BTBD9: variants seen among roughly 807,000 people sequenced by gnomAD.
BTBD9 encodes the protein BTB/POZ domain-containing protein 9.
Under a neutral mutation model 64.3 loss-of-function variants are expected in BTBD9, and 49 were observed. The observed-to-expected ratio is 0.76, with a 90% CI of 0.61 to 0.97. The LOEUF (loss-of-function observed/expected upper bound fraction) is 0.97, where lower values mean the gene tolerates loss of function less well. Ranked by LOEUF, BTBD9 falls within the 50% of genes least tolerant of loss-of-function variation. The pLI is 0.00. For synonymous variants in BTBD9, 260 were observed against 274.7 expected (o/e 0.95, Z 0.53); for missense variants, 598 against 762.1 (o/e 0.78, Z 2.53).
intron 8 of BTBD9, among the ~76,000 whole-genome samples, chr6:38,262,765 G>A (rs891201827): frequency 5.3e-5 from 8 of 152,134 alleles, no homozygotes; most frequent in Admixed American, 5.2e-4. Flanking sequence ...CATTTTAATT[G>A]GAAAGTCTAC....
At chr6:38,639,303 T>C (rs895710916) in intron 1 of BTBD9, among the ~76,000 whole-genome samples, 6 of 152,104 alleles carry the variant, frequency 3.9e-5, no homozygotes, top group Non-Finnish European at 7.4e-5. Flanking sequence ...AGGTCGTGGG[T>C]GTGTCTGATG....
chr6:38,462,843 G>T (rs185432638), intron 6 of BTBD9, among the ~76,000 whole-genome samples: 1 of 152,100 alleles, frequency 6.6e-6, no homozygotes, highest in African/African-American at 2.4e-5. Context: ...CTGTCGCCCA[G>T]GCTGGAGTGC....
intron 6 of BTBD9, among the ~76,000 whole-genome samples, chr6:38,440,318 G>C (rs1200288550): frequency 1.3e-5 from 2 of 152,180 alleles, no homozygotes; most frequent in Admixed American, 1.3e-4. Flanking sequence ...CAGTGGGATA[G>C]GAGGAAACCA....
At chr6:38,319,349 A>C (rs1763144763) in intron 7 of BTBD9, among the ~76,000 whole-genome samples, 1 of 152,128 alleles carries the variant, frequency 6.6e-6, no homozygotes, top group African/African-American at 2.4e-5. Context: ...TTTCTCAAGC[A>C]GTAGGAGTCT....
chr6:38,534,956 G>C (rs1266213172), intron 6 of BTBD9, among the ~76,000 whole-genome samples: 1 of 152,076 alleles, frequency 6.6e-6, no homozygotes, highest in Non-Finnish European at 1.5e-5. Context: ...CTAAGATCTG[G>C]AACATGATAA....
At chr6:38,274,278 G>C (rs559080125) in intron 8 of BTBD9, among the ~76,000 whole-genome samples, 1 of 152,204 alleles carries the variant, frequency 6.6e-6, no homozygotes, top group South Asian at 2.1e-4. Context: ...GGAGATTTTG[G>C]GCTGAGACAA....
intron 8 of BTBD9, among the ~76,000 whole-genome samples, chr6:38,287,103 A>T (rs1288766733): frequency 1.6e-5 from 2 of 124,250 alleles, no homozygotes; most frequent in African/African-American, 6.3e-5. Context: ...AAAAAAAAAA[A>T]AAATATACAC....
At chr6:38,496,093 T>A (rs980288323) in intron 6 of BTBD9, among the ~76,000 whole-genome samples, 1 of 152,134 alleles carries the variant, frequency 6.6e-6, no homozygotes, top group African/African-American at 2.4e-5. Flanking sequence ...AGAGGCCTGA[T>A]GTGAAAGTGA....
intron 6 of BTBD9, chr6:38,566,161 T>C (rs1775486294): frequency 6.6e-6 from 1 of 152,206 alleles, no homozygotes; most frequent in Non-Finnish European, 1.5e-5. Flanking sequence ...AAACAGCATA[T>C]ACTACATAAT....
chr6:38,274,859 G>T (rs1382552395), intron 8 of BTBD9, among the ~76,000 whole-genome samples: 2 of 152,108 alleles, frequency 1.3e-5, no homozygotes, highest in Non-Finnish European at 2.9e-5. Flanking sequence ...TTGTGTCTCT[G>T]CCAGGCTTTG....
intron 1 of BTBD9, among the ~76,000 whole-genome samples, chr6:38,630,762 T>C (rs988405502): frequency 6.6e-6 from 1 of 152,200 alleles, no homozygotes; most frequent in African/African-American, 2.4e-5. Context: ...TCTGAAAAGG[T>C]TGCCTAAGCC....
intron 10 of BTBD9, among the ~76,000 whole-genome samples, chr6:38,180,820 T>A (rs1561839100): frequency 6.6e-6 from 1 of 152,222 alleles, no homozygotes; most frequent in African/African-American, 2.4e-5. Flanking sequence ...GGCCTCTGGA[T>A]CTCTCCCCTG....
intron 6 of BTBD9, among the ~76,000 whole-genome samples, chr6:38,393,448 C>T (rs1041417100): frequency 1.3e-5 from 2 of 151,664 alleles, no homozygotes; most frequent in Admixed American, 6.6e-5. Context: ...TCTTAAATTT[C>T]AAATCCAGAA....
At position 38,429,468 on chromosome 6, in the gene BTBD9, AAAAG is replaced by A. The variant is rs1462063021; in HGVS notation, c.1155-84379_1155-84376del. ...AAGACTACGTCTCAAAAAAAAAAAA[AAAAG>A]AAAGAAAAACGGATTTGAATATAAT... On this transcript the variant is annotated intron_variant, in intron 6 of 10. Transcript: ENST00000481247. Among the ~76,000 whole-genome samples the A allele has an allele frequency of 8.9e-4, 134 of 151,408 alleles. 1 individual carries two copies. Among genetic ancestry groups the A allele is most frequent in the African/African-American group, 3.1e-3 (129 of 41,032 alleles).
In BTBD9 at chr6:38,580,451, T is replaced by A; in HGVS notation, c.815-14A>T. The A allele has an allele frequency of 6.3e-7, 1 of 1,598,754 alleles. No homozygotes were observed. Among genetic ancestry groups the A allele is most frequent in the Admixed American group, 1.7e-5 (1 of 59,134 alleles). ...TTTCTTCTGGTACTACAGTTAAAAATAGAAAAAGCAAGGTTAATGATTACT... is the reference window on the plus strand; with the variant it reads ...TTTCTTCTGGTACTACAGTTAAAAAAAGAAAAAGCAAGGTTAATGATTACT... On this transcript the variant is annotated splice_polypyrimidine_tract_variant and intron_variant, in intron 4 of 10. Coordinates refer to ENST00000481247, the MANE Select transcript of BTBD9 (RefSeq NM_001099272.2).
chr6:38,590,226 G>T (rs963879205), intron 4 of BTBD9, among the ~76,000 whole-genome samples: 1 of 152,038 alleles, frequency 6.6e-6, no homozygotes, highest in Non-Finnish European at 1.5e-5. Flanking sequence ...TGTGATCAAG[G>T]TGGTAATTCT....
At chr6:38,592,001 A>G (rs1776814543) in intron 4 of BTBD9, among the ~76,000 whole-genome samples, 1 of 152,084 alleles carries the variant, frequency 6.6e-6, no homozygotes, top group Admixed American at 6.5e-5. Flanking sequence ...CCTGGCCAAC[A>G]TGGTGAAACC....
rs370666650 is a variant in BTBD9, at chr6:38,208,950, A to G, written c.1563-16353T>C. Among the ~76,000 whole-genome samples the G allele has an allele frequency of 1.6e-4, 25 of 152,324 alleles. No homozygotes were observed. In the South Asian group the frequency reaches 5.2e-3, roughly 32 times the overall value. ...GTTTTGGCCACACGCTGACTAGCCAAAGGCTCACTAAGATCAAAAGTCGCA... is the reference window on the plus strand; with the variant it reads ...GTTTTGGCCACACGCTGACTAGCCAGAGGCTCACTAAGATCAAAAGTCGCA... On this transcript the variant is annotated intron_variant, in intron 9 of 10. Transcript: ENST00000481247.
chr6:38,365,562 G>A (rs1328766531), intron 6 of BTBD9, among the ~76,000 whole-genome samples: 5 of 152,028 alleles, frequency 3.3e-5, no homozygotes, highest in African/African-American at 1.2e-4. Context: ...AGGCAACACA[G>A]GGAGACAAAA....
Sources: allele counts gnomAD v4.1 joint callset (sites outside exome capture counted in the v4.1 genomes callset), GRCh38; gene constraint gnomAD v4.1.1; transcripts MANE v1.5; gene names NCBI Gene and HGNC (gene_info 2026-07-23, HGNC 2026-07-21).